BBS9: variants seen among roughly 807,000 people sequenced by gnomAD.
BBS9 encodes the protein protein PTHB1.
BBS9 carries 89 observed loss-of-function variants against 117.7 expected under a neutral mutation model. The observed-to-expected ratio is 0.76, with a 90% CI of 0.64 to 0.90. The LOEUF (loss-of-function observed/expected upper bound fraction) is 0.90. BBS9 is among the 40% of genes least tolerant of loss of function. The probability of loss-of-function intolerance (pLI) is 0.00; values close to 1 mark genes in which losing one functional copy is unlikely to be tolerated. For missense variants in BBS9, 982 were observed against 1,042.2 expected (o/e 0.94, Z 0.80); for synonymous variants, 379 against 370.9 (o/e 1.02, Z -0.25).
intron 21 of BBS9, among the ~76,000 whole-genome samples, chr7:33,542,255 T>C (rs1038217799): frequency 6.6e-6 from 1 of 152,124 alleles, no homozygotes; most frequent in Non-Finnish European, 1.5e-5. Flanking sequence ...CGGCTAATTT[T>C]TGTATTTTTA....
intron 16 of BBS9, among the ~76,000 whole-genome samples, chr7:33,366,867 T>A (rs1821868260): frequency 6.6e-6 from 1 of 152,122 alleles, no homozygotes; most frequent in South Asian, 2.1e-4. Context: ...CTCTGTCACT[T>A]TGTCTGTAAA....
chr7:33,303,525 CCCCG>C (rs369467136), intron 9 of BBS9, among the ~76,000 whole-genome samples: 6 of 103,292 alleles, frequency 5.8e-5, no homozygotes, highest in African/African-American at 2.4e-4. Flanking sequence ...GATCCCCTCC[CCCCG>C]CCCCTTCTTT....
intron 19 of BBS9, among the ~76,000 whole-genome samples, chr7:33,397,756 G>A (rs1174576562): frequency 6.6e-6 from 1 of 152,142 alleles, no homozygotes; most frequent in Non-Finnish European, 1.5e-5. Context: ...TTATAAGTGG[G>A]AGCTGAATGA....
At chr7:33,195,287 A>G (rs1448012033) in intron 5 of BBS9, among the ~76,000 whole-genome samples, 3 of 152,162 alleles carry the variant, frequency 2.0e-5, no homozygotes, top group Non-Finnish European at 2.9e-5. Flanking sequence ...GATGTGTTAT[A>G]TACTTTAGAC....
At chr7:33,383,626 CTG>C (rs1194437631) in intron 17 of BBS9, 38 bp from the exon 18 acceptor site, 20 of 1,539,400 alleles carry the variant, frequency 1.3e-5, no homozygotes, top group Non-Finnish European at 1.7e-5. Flanking sequence ...TCTAGTAATT[CTG>C]TGTTACTAAG....
chr7:33,183,161 C>G (rs141786962), intron 5 of BBS9, among the ~76,000 whole-genome samples: 343 of 152,246 alleles, frequency 2.3e-3, no homozygotes, highest in African/African-American at 8.1e-3. Flanking sequence ...GATCTATTTT[C>G]AATTCTTAGG....
At chr7:33,622,418 T>C (rs1865454317) in intron 21 of BBS9, among the ~76,000 whole-genome samples, 1 of 152,174 alleles carries the variant, frequency 6.6e-6, no homozygotes, top group South Asian at 2.1e-4. Context: ...TAATAATGTA[T>C]ACTTGAAAAT....
chr7:33,264,910 C>T lies in BBS9; in HGVS notation c.702+536C>T, dbSNP rs192859665. ...AAATATTTTGTAACTAGTAGGCATG[C>T]GACCGAATATATAAGTAAAAGATAA... On this transcript the variant is annotated intron_variant, in intron 7 of 22. Transcript: ENST00000242067. Among the ~76,000 whole-genome samples the T allele has an allele frequency of 3.4e-4, 52 of 152,072 alleles. 1 individual carries two copies. Among genetic ancestry groups the T allele is most frequent in the African/African-American group, 8.4e-4 (35 of 41,486 alleles).
At chr7:33,136,441 T>C (rs541872866) in intron 1 of BBS9, among the ~76,000 whole-genome samples, 22 of 152,338 alleles carry the variant, frequency 1.4e-4, no homozygotes, top group Non-Finnish European at 2.6e-4. Context: ...TGCCTGATCT[T>C]AGGAGGAAAG....
At chr7:33,388,339 T>C (rs1484841455) in intron 19 of BBS9, among the ~76,000 whole-genome samples, 195 bp downstream of exon 19, 1 of 152,158 alleles carries the variant, frequency 6.6e-6, no homozygotes, top group African/African-American at 2.4e-5. Flanking sequence ...TGTGTGACCT[T>C]GGGTAAATTA....
chr7:33,331,764 T>A (rs1814116511), intron 9 of BBS9, among the ~76,000 whole-genome samples: 1 of 150,678 alleles, frequency 6.6e-6, no homozygotes, highest in Non-Finnish European at 1.5e-5. Flanking sequence ...AAGAGCTCTA[T>A]AAGGAAAACT....
At chr7:33,319,284 C>T (rs765029885) in intron 9 of BBS9, among the ~76,000 whole-genome samples, 1 of 151,978 alleles carries the variant, frequency 6.6e-6, no homozygotes, top group Non-Finnish European at 1.5e-5. Flanking sequence ...GTTTCTTTAT[C>T]CACTCATTGA....
chr7:33,131,978 G>A (rs771832679), intron 1 of BBS9, among the ~76,000 whole-genome samples: 2 of 152,178 alleles, frequency 1.3e-5, no homozygotes, highest in African/African-American at 4.8e-5. Context: ...TAGGGGATAA[G>A]GAGATTATCT....
intron 21 of BBS9, among the ~76,000 whole-genome samples, chr7:33,550,529 A>G (rs1477989019): frequency 3.3e-5 from 5 of 152,210 alleles, no homozygotes; most frequent in African/African-American, 9.6e-5. Flanking sequence ...CTGGCCTAAA[A>G]TAGGAGCAAC....
At chr7:33,324,706 T>C (rs1355246143) in intron 9 of BBS9, among the ~76,000 whole-genome samples, 1 of 152,176 alleles carries the variant, frequency 6.6e-6, no homozygotes, top group Non-Finnish European at 1.5e-5. Context: ...GGATAATCTT[T>C]ATTTCTCCTT....
chr7:33,397,619 A>G (rs1207917855), intron 19 of BBS9, among the ~76,000 whole-genome samples: 2 of 152,230 alleles, frequency 1.3e-5, no homozygotes, highest in Non-Finnish European at 2.9e-5. Context: ...CATATGCACC[A>G]TGGAATACTA....
At chr7:33,195,212 A>C (rs76549802) in intron 5 of BBS9, among the ~76,000 whole-genome samples, 2,430 of 152,238 alleles carry the variant, frequency 0.016, 74 homozygotes, top group African/African-American at 0.056. Flanking sequence ...TTTGGCACAT[A>C]GTGGGTGCTT....
chr7:33,296,264 T>C (rs900628006), intron 9 of BBS9, among the ~76,000 whole-genome samples: 1 of 152,216 alleles, frequency 6.6e-6, no homozygotes, highest in Non-Finnish European at 1.5e-5. Context: ...TTGGAATCAG[T>C]TAGTACTTTT....
At chr7:33,320,808 T>C (rs929852177) in intron 9 of BBS9, among the ~76,000 whole-genome samples, 2 of 152,058 alleles carry the variant, frequency 1.3e-5, no homozygotes, top group African/African-American at 2.4e-5. Context: ...TTATATCTCG[T>C]TGTAGTCCTG....
Sources: allele counts gnomAD v4.1 joint callset (sites outside exome capture counted in the v4.1 genomes callset), GRCh38; gene constraint gnomAD v4.1.1; transcripts MANE v1.5; gene names NCBI Gene and HGNC (gene_info 2026-07-23, HGNC 2026-07-21).